Variants in SI observed in about 807,000 individuals in gnomAD.
The protein encoded by SI is sucrase-isomaltase, intestinal.
Under a neutral mutation model 253.3 loss-of-function variants are expected in SI, and 235 were observed. The ratio of observed to expected loss-of-function variants is 0.93; its 90% CI spans 0.83 to 1.03. The LOEUF is 1.03. SI is among the 50% of genes least tolerant of loss of function. The pLI, the probability that SI is intolerant of heterozygous loss-of-function variation, is 0.00. For synonymous variants in SI, 819 were observed against 712.0 expected, an observed-to-expected ratio of 1.15 and a Z score of -2.39; for missense variants, 2,442 against 2,211.1, an observed-to-expected ratio of 1.10 and a Z score of -2.09.
At chr3:164,997,447 T>A (rs1017402481) in intron 38 of SI, among the ~76,000 whole-genome samples, 3 of 151,654 alleles carry the variant, frequency 2.0e-5, no homozygotes, top group African/African-American at 7.3e-5. Context: ...TGTTTCTTTT[T>A]TTTTTTTAGC....
At chr3:164,989,112 A>C (rs2108120537) in intron 44 of SI, among the ~76,000 whole-genome samples, 1 of 148,152 alleles carries the variant, frequency 6.7e-6, no homozygotes, top group East Asian at 2.0e-4. Flanking sequence ...ATAAATACAT[A>C]ATTAAAAAAA....
In SI at chr3:165,038,106, A is replaced by T. The variant is rs1712627246; in HGVS notation, c.2302-82T>A. 5 of 1,236,278 alleles carry T rather than the reference A, an allele frequency of 4.0e-6. No homozygotes were observed. The Admixed American group carries it at 5.2e-5, about 13-fold the overall frequency. The allele number at this position is 1,236,278 out of a possible 1,614,324, so 76.6% of individuals were successfully genotyped here. A position where few individuals can be genotyped will look rare whatever the true frequency, so the allele number is the denominator to read the frequency against. ...TTCACAAGAATTAAAAGGCATTTTT[A>T]TTATGAGCAATTCATGTCATCCAAA... On this transcript the variant is annotated intron_variant, in intron 20 of 47. Coordinates refer to ENST00000264382, the MANE Select transcript of SI (RefSeq NM_001041.4).
intron 12 of SI, among the ~76,000 whole-genome samples, chr3:165,056,101 A>T (rs966122237): frequency 6.6e-6 from 1 of 152,134 alleles, no homozygotes; most frequent in Non-Finnish European, 1.5e-5. Context: ...GGAGAATTTA[A>T]TTTCAGATAA....
chr3:164,983,282 G>A (rs1449599736), intron 45 of SI, among the ~76,000 whole-genome samples: 1 of 152,148 alleles, frequency 6.6e-6, no homozygotes. Context: ...GGTGGTGTAT[G>A]TGTGTGTAGG....
chr3:164,991,692 G>A (rs965126955), intron 43 of SI, among the ~76,000 whole-genome samples: 5 of 151,900 alleles, frequency 3.3e-5, no homozygotes, highest in African/African-American at 1.2e-4. Context: ...AAATATACAT[G>A]GTGAAATTTA....
intron 25 of SI, among the ~76,000 whole-genome samples, chr3:165,029,293 T>C (rs1397231253): frequency 6.6e-6 from 1 of 150,446 alleles, no homozygotes; most frequent in East Asian, 2.0e-4. Context: ...GATGTTGGCA[T>C]GGATTCAGTG....
rs901304883 is a variant in SI, at chr3:165,006,971, A to G, written c.4268-17T>C. On this transcript the variant is annotated splice_polypyrimidine_tract_variant and intron_variant, in intron 36 of 47. Coordinates refer to ENST00000264382, the MANE Select transcript of SI (RefSeq NM_001041.4). The stretch of plus-strand genomic sequence containing the variant: ...TTGTGAGTTCTGGAAAGAATCAATG[A>G]AAAAATATTAATATATTATACAGTG... 6.5e-7 allele frequency: 1 copy of G among 1,547,878 alleles called. No homozygotes were observed.
At position 165,018,011 on chromosome 3, in the gene SI, C is replaced by T. The variant is rs1719125382; in HGVS notation, c.3479G>A (p.Gly1160Asp). 25 of 1,611,866 alleles carry T rather than the reference C, an allele frequency of 1.6e-5. No homozygotes were observed. Among genetic ancestry groups the T allele is most frequent in the Non-Finnish European group, 2.1e-5 (25 of 1,178,214 alleles). The stretch of plus-strand genomic sequence containing the variant: ...GAGTAAGAAAACACCATGAGCATTG[C>T]CCTCCTCTTCCAGAGCCATGTAATA... ...HPYYMALEEE[G>D]NAHGVFLLNS... Residue 1160 changes from glycine (G) to aspartate (D), a missense_variant, in exon 29 of 48, where the codon GGC becomes GAC. Transcript: ENST00000264382.
chr3:165,034,537 A>G (rs537397688), intron 22 of SI, among the ~76,000 whole-genome samples: 31 of 152,140 alleles, frequency 2.0e-4, no homozygotes, highest in Non-Finnish European at 3.4e-4. Context: ...GGCTTACTAC[A>G]TAAGCCAGAG....
At chr3:164,989,832 A>C (rs1717646037) in intron 44 of SI, among the ~76,000 whole-genome samples, 1 of 152,212 alleles carries the variant, frequency 6.6e-6, no homozygotes, top group African/African-American at 2.4e-5. Context: ...GTCAAATTGA[A>C]TGTTACATAC....
intron 31 of SI, 119 bp downstream of exon 31, chr3:165,017,429 C>T: frequency 3.5e-6 from 3 of 864,260 alleles, no homozygotes; most frequent in Non-Finnish European, 5.5e-6. Flanking sequence ...ACATAAGGTG[C>T]CAGTAAAAAA....
chr3:164,983,002 C>T lies in SI; in HGVS notation c.5247G>A (p.Gln1749=). The T allele has an allele frequency of 1.3e-6, 2 of 1,552,776 alleles. No homozygotes were observed. Among genetic ancestry groups the T allele is most frequent in the African/African-American group, 2.7e-5 (2 of 73,900 alleles). Reference sequence around the variant, plus strand: ...ATTGCATATAAATAATCTTACATACCTGGTTTAAATTAAATTGTACAGATA... The same window carrying T: ...ATTGCATATAAATAATCTTACATACTTGGTTTAAATTAAATTGTACAGATA... ...LYLSVQFNLN[Q]TTLTSTILKR... is the part of the protein sequence containing the mutation. The change falls in exon 46 of 48, where the codon CAG becomes CAA. Residue 1749 remains glutamine (Q), a splice_region_variant and synonymous_variant. Transcript: ENST00000264382.
At chr3:165,090,078 T>C in the SI span, among the ~76,000 whole-genome samples, 239 of 151,836 alleles carry the variant, frequency 1.6e-3, no homozygotes, top group African/African-American at 5.4e-3. Flanking sequence ...TTGAATGTAA[T>C]GGTATTAGGA....
chr3:165,014,458 C>G (rs915978472), intron 33 of SI, among the ~76,000 whole-genome samples: 2 of 152,090 alleles, frequency 1.3e-5, no homozygotes, highest in Non-Finnish European at 2.9e-5. Flanking sequence ...ACCACGTTAG[C>G]CAGGATGGTC....
intron 38 of SI, 135 bp downstream of exon 38, chr3:164,998,405 T>C (rs1718113220): frequency 1.2e-6 from 1 of 868,164 alleles, no homozygotes; most frequent in African/African-American, 1.7e-5. Context: ...TGTCTTTTTC[T>C]GATGCTATAT....
At chr3:165,026,197 A>C (rs1711910570) in intron 25 of SI, among the ~76,000 whole-genome samples, 2 of 151,426 alleles carry the variant, frequency 1.3e-5, no homozygotes, top group South Asian at 4.1e-4. Flanking sequence ...ATATCAGACA[A>C]AACAAACTTT....
intron 24 of SI, 131 bp from the exon 25 acceptor site, chr3:165,030,998 G>A (rs1712208738): frequency 2.3e-6 from 3 of 1,283,444 alleles, no homozygotes; most frequent in East Asian, 2.6e-5. Context: ...GGCAACGAGG[G>A]CAATTCTTCA....
the SI span, among the ~76,000 whole-genome samples, chr3:165,084,987 T>C: frequency 6.6e-6 from 1 of 152,120 alleles, no homozygotes; most frequent in African/African-American, 2.4e-5. Context: ...CTTGTGGCCA[T>C]ATTTCTTTGG....
chr3:165,079,193 A>T (rs1715191576), upstream of SI, among the ~76,000 whole-genome samples: 1 of 151,652 alleles, frequency 6.6e-6, no homozygotes, highest in Non-Finnish European at 1.5e-5. Context: ...AATGGATTTG[A>T]TATAATAAAT....
Sources: gnomAD v4.1 joint callset for allele counts (sites outside exome capture counted in the v4.1 genomes callset) on GRCh38, gnomAD v4.1.1 for gene constraint, MANE v1.5 for transcripts, NCBI Gene and HGNC (gene_info 2026-07-23, HGNC 2026-07-21) for gene names.